Variants in USP28 observed in about 807,000 individuals in gnomAD.
USP28 encodes ubiquitin specific peptidase 28, also known as ubiquitin carboxyl-terminal hydrolase 28.
A neutral mutation model predicts 145.0 loss-of-function variants in USP28; 113 were observed. The observed-to-expected ratio is 0.78, with a 90% CI of 0.67 to 0.91. The LOEUF is 0.91. Ranked by LOEUF, USP28 falls within the 40% of genes least tolerant of loss-of-function variation. The pLI, the probability that USP28 is intolerant of heterozygous loss-of-function variation, is 0.00. For missense variants in USP28, 1,201 were observed against 1,289.6 expected, an observed-to-expected ratio of 0.93 and a Z score of 1.05; for synonymous variants, 447 against 450.9, an observed-to-expected ratio of 0.99 and a Z score of 0.11.
At chr11:113,854,215 G>T in intron 2 of USP28, 43 bp downstream of exon 2, 1 of 1,536,550 alleles carries the variant, frequency 6.5e-7, no homozygotes, top group Non-Finnish European at 8.9e-7. Context: ...AATATAGACA[G>T]CTGCTTTAAA....
Position 113,803,300 on chromosome 11 carries a change from AAAC to A in USP28, c.2739-22_2739-20del. 6.3e-7 allele frequency: 1 copy of A among 1,597,430 alleles called. No individual in the cohort carries two copies. The highest frequency in any genetic ancestry group is 8.5e-7 in the Non-Finnish European group (1 of 1,173,718). On this transcript the variant is annotated intron_variant, in intron 22 of 24. Transcript: ENST00000003302. ...TTGGTACCTTAGAAAAATGGGAGATAAACAACAGCTGAGTGCTCTTTTACTAAA... is the reference window on the plus strand; with the variant it reads ...TTGGTACCTTAGAAAAATGGGAGATAAACAGCTGAGTGCTCTTTTACTAAA...
In USP28 at chr11:113,841,818, C is replaced by T. The variant is rs777839416; in HGVS notation, c.269-50G>A. The stretch of plus-strand genomic sequence containing the variant: ...TAGTCTATATATAGGAAACACTGCC[C>T]TTCTGTAATATAAGAAAAAGGTAAA... On this transcript the variant is annotated intron_variant, in intron 3 of 24. Coordinates refer to ENST00000003302, the Ensembl canonical transcript of USP28. The T allele has an allele frequency of 6.4e-5, 81 of 1,263,484 alleles. No homozygotes were observed. The South Asian group carries it at 1.1e-3, about 17-fold the overall frequency. 78.3% of individuals were successfully genotyped at this position (1,263,484 alleles called of 1,614,324 possible).
chr11:113,825,831 G>A (rs899443949), intron 11 of USP28, among the ~76,000 whole-genome samples: 1 of 152,188 alleles, frequency 6.6e-6, no homozygotes, highest in African/African-American at 2.4e-5. Flanking sequence ...CCAGGACCTG[G>A]AGATGGAGAG....
intron 10 of USP28, among the ~76,000 whole-genome samples, chr11:113,827,883 T>C (rs576765731): frequency 7.0e-4 from 107 of 152,302 alleles, no homozygotes; most frequent in African/African-American, 2.5e-3. Flanking sequence ...CAAAGGAAAT[T>C]TGAAATAGCC....
exon 17 of USP28, chr11:113,809,247 G>A (rs1292635438): frequency 6.2e-7 from 1 of 1,613,086 alleles, no homozygotes; most frequent in African/African-American, 1.3e-5. Flanking sequence ...ATTCAGTTGG[G>A]GCTGCCTCTG....
intron 1 of USP28, among the ~76,000 whole-genome samples, chr11:113,861,697 T>C (rs1327068276): frequency 1.3e-5 from 2 of 152,354 alleles, no homozygotes; most frequent in African/African-American, 2.4e-5. Context: ...GTTTCTGTTA[T>C]CTTTCCCGAA....
intron 1 of USP28, chr11:113,874,423 GAAAAAAAA>G (rs778295743): frequency 0.021 from 8,831 of 413,840 alleles, 71 homozygotes; most frequent in Middle Eastern, 0.032. Context: ...AGACTCTGTC[GAAAAAAAA>G]AAAAAAAAAA....
intron 13 of USP28, 21 bp downstream of exon 13, chr11:113,817,635 TAA>T: frequency 7.3e-7 from 1 of 1,370,070 alleles, no homozygotes. Flanking sequence ...TACATACCAT[TAA>T]AAAAAAAATG....
intron 3 of USP28, among the ~76,000 whole-genome samples, chr11:113,849,565 G>A (rs1055456383): frequency 6.6e-6 from 1 of 152,152 alleles, no homozygotes; most frequent in Non-Finnish European, 1.5e-5. Context: ...GTCCGTATGA[G>A]GCATGGCCCT....
At chr11:113,823,528 T>A in intron 12 of USP28, 77 bp downstream of exon 12, 6 of 1,159,534 alleles carry the variant, frequency 5.2e-6, no homozygotes, top group Non-Finnish European at 7.3e-6. Flanking sequence ...AACGTTGAGT[T>A]AATTTTTAAA....
intron 1 of USP28, among the ~76,000 whole-genome samples, chr11:113,865,547 T>C (rs1339615104): frequency 6.6e-6 from 1 of 152,148 alleles, no homozygotes; most frequent in Non-Finnish European, 1.5e-5. Flanking sequence ...TAAACTCGTA[T>C]CTGTGGTCAA....
At chr11:113,843,484 CA>C (rs1275385347) in intron 3 of USP28, among the ~76,000 whole-genome samples, 2 of 151,744 alleles carry the variant, frequency 1.3e-5, no homozygotes, top group Non-Finnish European at 2.9e-5. Flanking sequence ...TCAGCCTGAC[CA>C]ACAAGGATAA....
intron 3 of USP28, among the ~76,000 whole-genome samples, chr11:113,844,475 A>T (rs1419624752): frequency 6.6e-6 from 1 of 151,940 alleles, no homozygotes; most frequent in Non-Finnish European, 1.5e-5. Flanking sequence ...GAGACAACTC[A>T]TAGAAAGGGA....
Position 113,823,284 on chromosome 11 carries a change from C to G in USP28, c.1283+321G>C, listed in dbSNP as rs940169697. On this transcript the variant is annotated intron_variant, in intron 12 of 24. Transcript: ENST00000003302. ...GTGGACGGGACCATCGTGACACTTG[C>G]TTCTCTCATGTTTGTGAAAAAGATG... 6.6e-5 allele frequency among the ~76,000 whole-genome samples: 10 copies of G among 152,194 alleles called. No individual in the cohort carries two copies. The East Asian group carries it at 1.7e-3, about 26-fold the overall frequency.
Position 113,829,233 on chromosome 11 carries a change from A to C in USP28, c.1023T>G (p.Leu341=), listed in dbSNP as rs61760221. The C allele has an allele frequency of 1.3e-3, 2,090 of 1,614,168 alleles. 2 individuals are homozygous for C. Among genetic ancestry groups the C allele is most frequent in the Middle Eastern group, 2.5e-3 (15 of 6,062 alleles). The change falls in exon 10 of 25, where the codon CTT becomes CTG. Residue 341 remains leucine, a synonymous_variant. Coordinates refer to ENST00000003302, the Ensembl canonical transcript of USP28. ...ACTTCACCGAGTGATCGGAGGGAAG[A>C]AGCTCAACATCACCCTCCACCATGG...
Position 113,834,311 on chromosome 11 carries a change from G to A in USP28, c.559C>T (p.Arg187Ter), listed in dbSNP as rs868794164. Reference sequence around the variant, plus strand: ...AGACTATAACTGAGAACAAGTCTTCGAAATTCAGGCAATTGAAAGAGAGAC... The same window carrying A: ...AGACTATAACTGAGAACAAGTCTTCAAAATTCAGGCAATTGAAAGAGAGAC... The change falls in exon 6 of 25, where the codon CGA becomes TGA. Residue 187 changes from arginine (R) to a stop codon, truncating the protein, a stop_gained. Transcript: ENST00000003302. LOFTEE classifies it high-confidence loss of function. 2.5e-6 allele frequency: 4 copies of A among 1,609,356 alleles called. No homozygotes were observed. The highest frequency in any genetic ancestry group is 2.2e-5 in the South Asian group (2 of 90,046).
intron 5 of USP28, among the ~76,000 whole-genome samples, chr11:113,839,893 A>C (rs1057112941): frequency 5.3e-5 from 8 of 152,256 alleles, no homozygotes; most frequent in Middle Eastern, 3.4e-3. Context: ...CTGGTGGTAC[A>C]TGCCTGTAGT....
intron 1 of USP28, among the ~76,000 whole-genome samples, chr11:113,859,906 C>CTTGTGTCT (rs1358292720): frequency 5.8e-4 from 89 of 152,304 alleles, no homozygotes; most frequent in African/African-American, 2.1e-3. Flanking sequence ...GAAAGACAGG[C>CTTGTGTCT]AAACACAAAC....
chr11:113,810,076 T>C, intron 16 of USP28, among the ~76,000 whole-genome samples: 1 of 150,302 alleles, frequency 6.7e-6, no homozygotes, highest in Admixed American at 6.6e-5. Flanking sequence ...AACTGGTCAC[T>C]GTCAATCACT....
Sources: allele counts gnomAD v4.1 joint callset (sites outside exome capture counted in the v4.1 genomes callset), GRCh38; gene constraint gnomAD v4.1.1; transcripts MANE v1.5; gene names NCBI Gene and HGNC (gene_info 2026-07-23, HGNC 2026-07-21).